TLN2: variants seen among roughly 807,000 people sequenced by gnomAD.
TLN2 encodes talin-2.
Under a neutral mutation model 294.7 loss-of-function variants are expected in TLN2, and 118 were observed. The observed-to-expected ratio is 0.40, with a 90% CI of 0.34 to 0.47. TLN2 has a LOEUF of 0.47. Among genes scored for constraint, TLN2 ranks in the 20% least tolerant of loss-of-function variants. The pLI is 0.84. For synonymous variants in TLN2, 1,431 were observed against 1,304.5 expected (o/e 1.10, Z -2.09); for missense variants, 3,083 against 3,282.2 (o/e 0.94, Z 1.48).
chr15:62,682,703 T>A (rs1232646772), intron 11 of TLN2, among the ~76,000 whole-genome samples: 1 of 152,192 alleles, frequency 6.6e-6, no homozygotes, highest in Non-Finnish European at 1.5e-5. Flanking sequence ...TTCATTGCCT[T>A]CTTTTGCATT....
At chr15:62,771,935 G>A (rs1039543538) in intron 42 of TLN2, among the ~76,000 whole-genome samples, 1 of 152,190 alleles carries the variant, frequency 6.6e-6, no homozygotes, top group Non-Finnish European at 1.5e-5. Context: ...ACTGGTAGCA[G>A]TGTGAATAAT....
chr15:62,797,186 T>C (rs768215058), intron 47 of TLN2, 33 bp from the exon 48 acceptor site: 1 of 1,611,756 alleles, frequency 6.2e-7, no homozygotes, highest in South Asian at 1.1e-5. Context: ...CCTCTGTCTC[T>C]CCCCCTCTCC....
intron 20 of TLN2, among the ~76,000 whole-genome samples, chr15:62,707,875 C>T (rs1209706784): frequency 1.3e-5 from 2 of 151,984 alleles, no homozygotes; most frequent in Admixed American, 1.3e-4. Context: ...CTTCATGTGT[C>T]CTCTCGGTGA....
At chr15:62,464,891 A>G (rs1407327461) in intron 1 of TLN2, among the ~76,000 whole-genome samples, 1 of 152,140 alleles carries the variant, frequency 6.6e-6, no homozygotes, top group East Asian at 1.9e-4. Context: ...TAAATCACTC[A>G]GCATCTTGAT....
chr15:62,610,197 G>T (rs1205087492), intron 2 of TLN2, among the ~76,000 whole-genome samples: 1 of 152,136 alleles, frequency 6.6e-6, no homozygotes, highest in Non-Finnish European at 1.5e-5. Flanking sequence ...CTACCTCAGT[G>T]GACAGAGTTA....
At chr15:62,707,333 G>C (rs2059135129) in intron 20 of TLN2, 80 bp downstream of exon 20, 2 of 1,456,302 alleles carry the variant, frequency 1.4e-6, no homozygotes, top group Non-Finnish European at 1.8e-6. Context: ...TGTGTAGCAG[G>C]GGCAGAATTT....
chr15:62,461,283 C>G (rs1471695101), intron 1 of TLN2, among the ~76,000 whole-genome samples: 1 of 152,038 alleles, frequency 6.6e-6, no homozygotes, highest in Non-Finnish European at 1.5e-5. Context: ...ATGGACCTGC[C>G]CAGTGTGTCC....
rs541260549 is a variant in TLN2, at chr15:62,623,602, C to T, written c.-37+5127C>T. 3.5e-4 allele frequency among the ~76,000 whole-genome samples: 53 copies of T among 152,276 alleles called. No homozygotes were observed. The East Asian group carries it at 4.2e-3, about 12-fold the overall frequency. Reference sequence around the variant, plus strand: ...AATCTATGTCAACACCAACTGAGATCGCCATTTGGTGTTGACAGTATTCCT... The same window carrying T: ...AATCTATGTCAACACCAACTGAGATTGCCATTTGGTGTTGACAGTATTCCT... On this transcript the variant is annotated intron_variant, in intron 3 of 58. Transcript: ENST00000636159.
At chr15:62,635,111 G>A (rs1035014746) in intron 3 of TLN2, among the ~76,000 whole-genome samples, 3 of 152,094 alleles carry the variant, frequency 2.0e-5, no homozygotes, top group Admixed American at 2.0e-4. Flanking sequence ...CTTCTCAGTT[G>A]TTAATGCATA....
intron 40 of TLN2, among the ~76,000 whole-genome samples, chr15:62,765,001 A>G (rs1417589560): frequency 6.8e-6 from 1 of 146,370 alleles, no homozygotes; most frequent in Non-Finnish European, 1.5e-5. Flanking sequence ...AGTAGCAAAG[A>G]TGACCAGCAC....
chr15:62,714,189 G>GTTTTT lies in TLN2; in HGVS notation c.2634+2127_2635-2123dup, dbSNP rs5813163. On this transcript the variant is annotated intron_variant, in intron 22 of 58. Transcript: ENST00000636159. ...AGTATTGAGCCAGGCCAATGTGCAC[G>GTTTTT]TTTTTTTTTTTTTTTTTTTCTTTTT... is the stretch of plus-strand genomic sequence containing the variant. 2.1e-5 allele frequency among the ~76,000 whole-genome samples: 2 copies of GTTTTT among 96,392 alleles called. 1 individual carries two copies. Among genetic ancestry groups the GTTTTT allele is most frequent in the Non-Finnish European group, 3.9e-5 (2 of 51,134 alleles). The allele number at this position is 96,392 out of a possible 152,430, so 63.2% of individuals were successfully genotyped here. A position where few individuals can be genotyped will look rare whatever the true frequency, so the allele number is the denominator to read the frequency against.
At chr15:62,627,843 G>GGCTT (rs5813153) in intron 3 of TLN2, among the ~76,000 whole-genome samples, 130,045 of 151,856 alleles carry the variant, frequency 0.86, 56,452 homozygotes, top group East Asian at 0.95. Context: ...GGCAATTTTG[G>GGCTT]GCTCGTTTTA....
At chr15:62,738,415 G>A in intron 30 of TLN2, 82 bp downstream of exon 30, 2 of 1,496,176 alleles carry the variant, frequency 1.3e-6, no homozygotes, top group South Asian at 2.9e-5. Flanking sequence ...CTCTCCATGA[G>A]ATCTCTGAGC....
At chr15:62,471,528 C>A (rs754226911) in intron 1 of TLN2, among the ~76,000 whole-genome samples, 3 of 152,188 alleles carry the variant, frequency 2.0e-5, no homozygotes, top group Non-Finnish European at 2.9e-5. Flanking sequence ...TGCATCTTTG[C>A]ATGGCCCTTA....
At chr15:62,574,290 T>C (rs749458608) in intron 1 of TLN2, among the ~76,000 whole-genome samples, 1 of 151,894 alleles carries the variant, frequency 6.6e-6, no homozygotes, top group African/African-American at 2.4e-5. Context: ...TTAAAAAACA[T>C]GATTAGCCAG....
At chr15:62,452,630 A>G (rs1298563398) in intron 1 of TLN2, among the ~76,000 whole-genome samples, 46 of 152,112 alleles carry the variant, frequency 3.0e-4, no homozygotes, top group Admixed American at 2.9e-3. Flanking sequence ...GGCAACCACC[A>G]GTCTACTTTG....
intron 1 of TLN2, among the ~76,000 whole-genome samples, chr15:62,545,893 A>G (rs898102543): frequency 5.9e-5 from 9 of 152,180 alleles, no homozygotes; most frequent in Non-Finnish European, 1.2e-4. Flanking sequence ...TTCTTTCACC[A>G]TGCTTGGGAG....
intron 3 of TLN2, among the ~76,000 whole-genome samples, chr15:62,619,626 A>G (rs905141597): frequency 5.9e-5 from 9 of 152,210 alleles, no homozygotes; most frequent in Non-Finnish European, 8.8e-5. Flanking sequence ...ATCATACTGG[A>G]TTAGGGTGGG....
intron 22 of TLN2, 131 bp from the exon 23 acceptor site, chr15:62,716,200 A>G (rs537688068): frequency 6.2e-6 from 7 of 1,131,102 alleles, no homozygotes; most frequent in Admixed American, 4.0e-5. Flanking sequence ...TCTTCATCAT[A>G]AAGATATTGC....
Sources: gnomAD v4.1 joint callset for allele counts (sites outside exome capture counted in the v4.1 genomes callset) on GRCh38, gnomAD v4.1.1 for gene constraint, MANE v1.5 for transcripts, NCBI Gene and HGNC (gene_info 2026-07-23, HGNC 2026-07-21) for gene names.